Variants in FAM177A1 observed in about 807,000 individuals in gnomAD.
FAM177A1 encodes protein FAM177A1.
FAM177A1 carries 22 observed loss-of-function variants against 26.1 expected under a neutral mutation model. The observed-to-expected ratio is 0.84, with a 90% CI of 0.60 to 1.20. The LOEUF (loss-of-function observed/expected upper bound fraction) is 1.20. Among genes scored for constraint, FAM177A1 ranks in the 50% most tolerant of loss-of-function variants. The pLI is 0.00. For synonymous variants in FAM177A1, 95 were observed against 99.3 expected (o/e 0.96, Z 0.26); for missense variants, 296 against 291.1 (o/e 1.02, Z -0.12).
intron 2 of FAM177A1, among the ~76,000 whole-genome samples, chr14:35,057,837 A>G (rs976429002): frequency 5.9e-5 from 9 of 152,016 alleles, no homozygotes; most frequent in African/African-American, 2.2e-4. Context: ...CTGATCAGAG[A>G]ACATACTTTA....
At chr14:35,077,250 C>G in intron 3 of FAM177A1, 34 bp downstream of exon 3, 1 of 1,578,746 alleles carries the variant, frequency 6.3e-7, no homozygotes, top group Non-Finnish European at 8.7e-7. Context: ...TGTATAATTG[C>G]TGTAACATGC....
At chr14:35,078,042 A>G (rs1334953588) in intron 3 of FAM177A1, among the ~76,000 whole-genome samples, 1 of 152,158 alleles carries the variant, frequency 6.6e-6, no homozygotes, top group Non-Finnish European at 1.5e-5. Context: ...TTCTGCTTCC[A>G]TTTTTAACTC....
intron 2 of FAM177A1, among the ~76,000 whole-genome samples, chr14:35,073,951 G>A (rs2138564856): frequency 6.6e-6 from 1 of 152,224 alleles, no homozygotes; most frequent in South Asian, 2.1e-4. Flanking sequence ...CTAATGATGT[G>A]TGGGAACTCA....
intron 2 of FAM177A1, among the ~76,000 whole-genome samples, chr14:35,054,329 A>G (rs1012919442): frequency 6.6e-6 from 1 of 152,228 alleles, no homozygotes; most frequent in African/African-American, 2.4e-5. Context: ...TCTAAATTAT[A>G]CAAGATGTGA....
At position 35,072,359 on chromosome 14, in the gene FAM177A1, A is replaced by G. The variant is rs572244019; in HGVS notation, c.340-4791A>G. ...TTACTATTCATTAAGTGGGAAGTGG[A>G]TCATCATCATAAGTCTTCTTCCTCA... On this transcript the variant is annotated intron_variant, in intron 2 of 4. Coordinates refer to ENST00000280987, the MANE Select transcript of FAM177A1 (RefSeq NM_173607.5). Among the ~76,000 whole-genome samples, 12 of 152,242 alleles carry G rather than the reference A, an allele frequency of 7.9e-5. No individual in the cohort carries two copies. The South Asian group carries it at 2.1e-3, about 26-fold the overall frequency.
intron 2 of FAM177A1, 62 bp downstream of exon 2, chr14:35,053,513 T>C: frequency 6.5e-7 from 1 of 1,540,440 alleles, no homozygotes. Context: ...TTTTTTTCCC[T>C]AAACATTGAG....
At chr14:35,059,899 A>G (rs1043453442) in intron 2 of FAM177A1, among the ~76,000 whole-genome samples, 1 of 151,666 alleles carries the variant, frequency 6.6e-6, no homozygotes, top group African/African-American at 2.4e-5. Flanking sequence ...TCCTAACCTC[A>G]AATGATCCAC....
intron 4 of FAM177A1, among the ~76,000 whole-genome samples, chr14:35,080,173 C>T (rs934963836): frequency 3.3e-5 from 5 of 152,130 alleles, no homozygotes. Flanking sequence ...AGTTCTGCAA[C>T]TAGAAATTAT....
At chr14:35,073,968 A>G (rs1452837695) in intron 2 of FAM177A1, among the ~76,000 whole-genome samples, 4 of 152,138 alleles carry the variant, frequency 2.6e-5, no homozygotes, top group African/African-American at 9.7e-5. Flanking sequence ...CTCATCTGCT[A>G]TCTTTTGTTT....
At chr14:35,074,653 TTG>T (rs1375850148) in intron 2 of FAM177A1, among the ~76,000 whole-genome samples, 1 of 152,002 alleles carries the variant, frequency 6.6e-6, no homozygotes, top group Non-Finnish European at 1.5e-5. Context: ...ACAGATATTC[TTG>T]TGTTTGCCTT....
At chr14:35,067,192 C>T (rs926380303) in intron 2 of FAM177A1, among the ~76,000 whole-genome samples, 1 of 152,256 alleles carries the variant, frequency 6.6e-6, no homozygotes, top group Non-Finnish European at 1.5e-5. Flanking sequence ...CTCCCCATTT[C>T]CCCTTAACCC....
chr14:35,077,365 A>G (rs2045412232), intron 3 of FAM177A1, 149 bp downstream of exon 3: 1 of 687,020 alleles, frequency 1.5e-6, no homozygotes, highest in African/African-American at 1.8e-5. Context: ...GGAGATAGTA[A>G]CCTAACTTGT....
chr14:35,075,438 AAAAATT>A (rs2045380083), intron 2 of FAM177A1, among the ~76,000 whole-genome samples: 1 of 152,218 alleles, frequency 6.6e-6, no homozygotes, highest in South Asian at 2.1e-4. Context: ...AGTTTGCTAC[AAAAATT>A]AACTCAAGAT....
At chr14:35,078,300 A>G (rs1283881356) in intron 3 of FAM177A1, among the ~76,000 whole-genome samples, 2 of 152,162 alleles carry the variant, frequency 1.3e-5, no homozygotes, top group African/African-American at 2.4e-5. Context: ...AGTGAGTATT[A>G]TACTACAAGC....
rs200292076 is a variant in FAM177A1, at chr14:35,053,460, G to A, written c.339+9G>A. On this transcript the variant is annotated intron_variant, in intron 2 of 4. Transcript: ENST00000280987. ...TGCCTACTGTTGATCCGGTAGGTTT[G>A]ATATTGATGATTCTTTCCTCAGTGG... 6.2e-7 allele frequency: 1 copy of A among 1,612,638 alleles called. No individual in the cohort carries two copies. The highest frequency in any genetic ancestry group is 1.3e-5 in the African/African-American group (1 of 74,858).
At chr14:35,046,047 G>A (rs897126026), upstream of FAM177A1, 3 of 158,280 alleles carry the variant, frequency 1.9e-5, no homozygotes, top group African/African-American at 7.2e-5. Context: ...CATTTTACAA[G>A]TGCAAAAACC....
At position 35,048,164 on chromosome 14, in the gene FAM177A1, A is replaced by G. The variant is rs139848853; in HGVS notation, c.165+1536A>G. Among the ~76,000 whole-genome samples, 465 of 152,328 alleles carry G rather than the reference A, an allele frequency of 3.1e-3. 3 individuals are homozygous for G. Among genetic ancestry groups the G allele is most frequent in the African/African-American group, 0.011 (448 of 41,580 alleles). ...GTCATTTTCAGTTGAGTTGAGACCT[A>G]TTGTTGGCAAGTGCACTTACACTTA... On this transcript the variant is annotated intron_variant, in intron 1 of 4. Coordinates refer to ENST00000280987, the MANE Select transcript of FAM177A1 (RefSeq NM_173607.5).
At chr14:35,065,884 A>G (rs1317526715) in intron 2 of FAM177A1, among the ~76,000 whole-genome samples, 1 of 151,338 alleles carries the variant, frequency 6.6e-6, no homozygotes. Context: ...TAGAGACAGG[A>G]TTTCACCATC....
chr14:35,058,466 GCT>G (rs1419721102), intron 2 of FAM177A1, among the ~76,000 whole-genome samples: 1 of 152,090 alleles, frequency 6.6e-6, no homozygotes, highest in Non-Finnish European at 1.5e-5. Flanking sequence ...GTACTTTGGT[GCT>G]CTGTTATTAA....
Sources: allele counts gnomAD v4.1 joint callset (sites outside exome capture counted in the v4.1 genomes callset), GRCh38; gene constraint gnomAD v4.1.1; transcripts MANE v1.5; gene names NCBI Gene and HGNC (gene_info 2026-07-23, HGNC 2026-07-21).